The following TLR1 variants were observed in gnomAD, a reference collection of about 807,000 sequenced individuals.
TLR1 encodes toll-like receptor 1.
TLR1 carries 19 observed loss-of-function variants against 20.2 expected under a neutral mutation model. That is an observed-to-expected ratio of 0.94 (90% CI 0.66 to 1.38). The LOEUF is 1.38. Ranked by LOEUF, TLR1 falls within the 40% of genes most tolerant of loss-of-function variation. TLR1 has a pLI of 0.00. For missense variants in TLR1, 921 were observed against 910.0 expected, an observed-to-expected ratio of 1.01 and a Z score of -0.16; for synonymous variants, 320 against 334.5, an observed-to-expected ratio of 0.96 and a Z score of 0.47.
intron 3 of TLR1, 132 bp from the exon 4 acceptor site, chr4:38,799,030 A>T: frequency 2.0e-6 from 1 of 491,520 alleles, no homozygotes; most frequent in Admixed American, 3.9e-5. Context: ...TTTGGGTTAC[A>T]TGGCCTAAAA....
At chr4:38,791,358 C>T (rs1293503370), downstream of TLR1, 2 of 152,320 alleles carry the variant, frequency 1.3e-5, no homozygotes, top group East Asian at 3.9e-4. Flanking sequence ...TTCATAAATT[C>T]ATTTTCTAAC....
chr4:38,789,499 T>G (rs147891798), downstream of TLR1, among the ~76,000 whole-genome samples: 1 of 152,014 alleles, frequency 6.6e-6, no homozygotes, highest in Non-Finnish European at 1.5e-5. Context: ...TTTTTTTTGT[T>G]GAGCTGGAGT....
In TLR1 at chr4:38,798,086, A is replaced by G; in HGVS notation, c.746T>C (p.Leu249Pro). The G allele has an allele frequency of 6.2e-7, 1 of 1,613,586 alleles. No individual in the cohort carries two copies. Among genetic ancestry groups the G allele is most frequent in the Non-Finnish European group, 8.5e-7 (1 of 1,179,608 alleles). Residue 249 changes from leucine to proline, a missense_variant, in exon 4 of 4, where the codon CTT becomes CCT. Coordinates refer to ENST00000308979, the MANE Select transcript of TLR1 (RefSeq NM_003263.4). ...AGTTGTTTCAATGTTGTTTAAGGTA[A>G]GATTTGATAACTTTGGATTTGTTTG... is the stretch of plus-strand genomic sequence containing the variant. The part of the protein sequence containing the change: ...KLQTNPKLSN[L>P]TLNNIETTWN...
downstream of TLR1, among the ~76,000 whole-genome samples, chr4:38,795,770 A>G (rs1726006150): frequency 6.6e-6 from 1 of 152,232 alleles, no homozygotes; most frequent in Non-Finnish European, 1.5e-5. Context: ...GAGAATACTT[A>G]ATCAAGCCAT....
rs907757231 is a variant in TLR1, at chr4:38,796,927, G to A, written c.1905C>T (p.Leu635=). The A allele has an allele frequency of 2.5e-6, 4 of 1,614,048 alleles. No homozygotes were observed. In the African/African-American group the frequency reaches 4.0e-5, roughly 16 times the overall value. Residue 635 remains leucine, a synonymous_variant, in exon 4 of 4, where the codon CTC becomes CTT. Coordinates refer to ENST00000308979, the MANE Select transcript of TLR1 (RefSeq NM_003263.4). ...NIPLEELQRN[L]QFHAFISYSG... is the part of the protein sequence containing the mutation. ...TATATGAAATAAATGCATGAAACTG[G>A]AGATTTCTTTGGAGTTCTTCTAAGG...
chr4:38,798,893 C>T lies in TLR1; in HGVS notation c.-62G>A. ...TCTTCAGATCATCTTGATACAGATACAGATTCTAGAAAAAAAATAATGAAA... is the reference window on the plus strand; with the variant it reads ...TCTTCAGATCATCTTGATACAGATATAGATTCTAGAAAAAAAATAATGAAA... On this transcript the variant is annotated 5_prime_UTR_variant, in exon 4 of 4. Transcript: ENST00000308979. 2.4e-6 allele frequency: 3 copies of T among 1,225,802 alleles called. No individual in the cohort carries two copies. Among genetic ancestry groups the T allele is most frequent in the South Asian group, 1.7e-5 (1 of 59,422 alleles). The allele number at this position is 1,225,802 out of a possible 1,614,324, so 75.9% of individuals were successfully genotyped here. A position where few individuals can be genotyped will look rare whatever the true frequency, so the allele number is the denominator to read the frequency against.
chr4:38,798,838 A>G lies in TLR1; in HGVS notation c.-7T>C, dbSNP rs1207029439. The G allele has an allele frequency of 4.5e-6, 7 of 1,572,990 alleles. No homozygotes were observed. The highest frequency in any genetic ancestry group is 6.0e-6 in the Non-Finnish European group (7 of 1,159,498). On this transcript the variant is annotated 5_prime_UTR_variant, in exon 4 of 4. Transcript: ENST00000308979. ...AATGGAAGATGCTAGTCATTTTGGA[A>G]CACTAGACATTCCTAAAGGTAGAAG... is the stretch of plus-strand genomic sequence containing the variant.
downstream of TLR1, among the ~76,000 whole-genome samples, chr4:38,791,562 T>C (rs1725723105): frequency 6.6e-6 from 1 of 152,240 alleles, no homozygotes; most frequent in Non-Finnish European, 1.5e-5. Context: ...GTTCATTCGC[T>C]TGTTTAACAT....
downstream of TLR1, chr4:38,790,618 A>G (rs1266561846): frequency 3.3e-5 from 5 of 152,046 alleles, no homozygotes; most frequent in African/African-American, 1.2e-4. Flanking sequence ...CATGTCCTTC[A>G]GTGGGATTTC....
chr4:38,802,921 C>T (rs768953540), intron 2 of TLR1, among the ~76,000 whole-genome samples: 11 of 152,262 alleles, frequency 7.2e-5, no homozygotes, highest in South Asian at 2.1e-4. Flanking sequence ...GCCCTGCTGA[C>T]GCTGTACAGG....
chr4:38,798,455 A>C lies in TLR1; in HGVS notation c.377T>G (p.Phe126Cys). The C allele has an allele frequency of 6.2e-7, 1 of 1,614,010 alleles. No homozygotes were observed. The highest frequency in any genetic ancestry group is 8.5e-7 in the Non-Finnish European group (1 of 1,179,932). The change falls in exon 4 of 4, where the codon TTT (phenylalanine) becomes TGT (cysteine). Residue 126 changes from phenylalanine to cysteine, a missense_variant. By Grantham distance (205) the Phe-to-Cys change is radical. Transcript: ENST00000308979. ...CTCTTTGCATATAGGCAGGGCATCA[A>C]ATGCATTAAATGACAGGTCCAAGTG... ...LKHLDLSFNAFDALPICKEFG... is the reference protein window; with the variant it reads ...LKHLDLSFNACDALPICKEFG...
Position 38,798,283 on chromosome 4 carries a change from G to A in TLR1, c.549C>T (p.Gly183=). Reference sequence around the variant, plus strand: ...GACTCTCAGTGTTAAAGTCTTGAAGGCCCTCAGGGTCTTCTTTTTCCCCAT... The same window carrying A: ...GACTCTCAGTGTTAAAGTCTTGAAGACCCTCAGGGTCTTCTTTTTCCCCAT... ...ETYGEKEDPE[G]LQDFNTESLH... Residue 183 remains glycine (G), a synonymous_variant, in exon 4 of 4, where the codon GGC becomes GGT. Coordinates refer to ENST00000308979, the MANE Select transcript of TLR1 (RefSeq NM_003263.4). The A allele has an allele frequency of 6.2e-7, 1 of 1,611,326 alleles. No individual in the cohort carries two copies. Among genetic ancestry groups the A allele is most frequent in the South Asian group, 1.1e-5 (1 of 90,816 alleles).
chr4:38,803,905 T>C (rs1321228036), intron 2 of TLR1, among the ~76,000 whole-genome samples: 1 of 152,252 alleles, frequency 6.6e-6, no homozygotes, highest in Non-Finnish European at 1.5e-5. Context: ...ATACATTTAA[T>C]TTGTCTTCTT....
rs374992283 is a variant in TLR1 at position 38,797,411 on chromosome 4, T to C, written c.1421A>G (p.Asn474Ser). The part of the protein sequence containing the change: ...VVKLEALQEL[N>S]VAFNSLTDLP... ...GTCAGTTAAAGAATTGAAAGCAACA[T>C]TGAGTTCTTGCAAAGCTTCCAGTTT... is the stretch of plus-strand genomic sequence containing the variant. The change falls in exon 4 of 4, where the codon AAT (asparagine) becomes AGT (serine). Residue 474 changes from asparagine to serine, a missense_variant. By Grantham distance (46) the Asn-to-Ser change is conservative. Transcript: ENST00000308979. 9 of 1,614,116 alleles carry C rather than the reference T, an allele frequency of 5.6e-6. No individual in the cohort carries two copies. The highest frequency in any genetic ancestry group is 4.5e-5 in the East Asian group (2 of 44,894).
chr4:38,788,785 T>G (rs1478379863), downstream of TLR1, among the ~76,000 whole-genome samples: 1 of 152,096 alleles, frequency 6.6e-6, no homozygotes, highest in Non-Finnish European at 1.5e-5. Flanking sequence ...GGCAGGAGGA[T>G]CCTTTGAAGC....
At chr4:38,790,102 A>G (rs1272138846), downstream of TLR1, among the ~76,000 whole-genome samples, 1 of 152,228 alleles carries the variant, frequency 6.6e-6, no homozygotes, top group Non-Finnish European at 1.5e-5. Context: ...ATTTTGCTCC[A>G]GCATGCATTG....
In TLR1 at chr4:38,798,679, A is replaced by C; in HGVS notation, c.153T>G (p.Asn51Lys). ...GCTCAGATATATAATTTTGCGATAT[A>C]TTTAAGATTGTTGTTTTCTGGGATA... The part of the protein sequence containing the change: ...KDLSQKTTIL[N>K]ISQNYISELW... Residue 51 changes from asparagine to lysine, a missense_variant, in exon 4 of 4, where the codon AAT becomes AAG. Asn to Lys is a moderately conservative substitution (Grantham distance 94, BLOSUM62 0). Coordinates refer to ENST00000308979, the MANE Select transcript of TLR1 (RefSeq NM_003263.4). 1 of 1,614,066 alleles carries C rather than the reference A, an allele frequency of 6.2e-7. No individual in the cohort carries two copies. Among genetic ancestry groups the C allele is most frequent in the East Asian group, 2.2e-5 (1 of 44,878 alleles).
chr4:38,788,165 T>C (rs1470192241), downstream of TLR1, among the ~76,000 whole-genome samples: 1 of 151,316 alleles, frequency 6.6e-6, no homozygotes, highest in Non-Finnish European at 1.5e-5. Flanking sequence ...AGAAAAGCAC[T>C]GGGAGGAGAG....
Position 38,796,583 on chromosome 4 carries a change from A to T in TLR1, c.2249T>A (p.Met750Lys), listed in dbSNP as rs749120670. The change falls in exon 4 of 4, where the codon ATG (methionine) becomes AAG (lysine). Residue 750 changes from methionine (M) to lysine (K), a missense_variant. Transcript: ENST00000308979. ...PSSYHKLKSLMARRTYLEWPK... is the reference protein window; with the variant it reads ...PSSYHKLKSLKARRTYLEWPK... ...CCATTCCAAATAAGTCCTCCTGGCC[A>T]TGAGACTTTTGAGCTTGTGATAACT... 3 of 1,614,180 alleles carry T rather than the reference A, an allele frequency of 1.9e-6. No individual in the cohort carries two copies. Among genetic ancestry groups the T allele is most frequent in the East Asian group, 4.5e-5 (2 of 44,888 alleles).
Sources: allele counts gnomAD v4.1 joint callset (sites outside exome capture counted in the v4.1 genomes callset), GRCh38; gene constraint gnomAD v4.1.1; transcripts MANE v1.5; gene names NCBI Gene and HGNC (gene_info 2026-07-23, HGNC 2026-07-21).